Variants in KCNMA1 observed in about 807,000 individuals in gnomAD.
The protein encoded by KCNMA1 is Calcium-activated potassium channel subunit alpha-1.
A neutral mutation model predicts 140.0 loss-of-function variants in KCNMA1; 29 were observed. The ratio of observed to expected loss-of-function variants is 0.21; its 90% CI spans 0.15 to 0.28. The LOEUF (loss-of-function observed/expected upper bound fraction) is 0.28. Ranked by LOEUF, KCNMA1 falls within the 10% of genes least tolerant of loss-of-function variation. The pLI is 1.00. For synonymous variants in KCNMA1, 612 were observed against 611.9 expected (o/e 1.00, Z 0.00); for missense variants, 880 against 1,602.2 (o/e 0.55, Z 7.70).
chr10:77,523,282 C>A lies in KCNMA1; in HGVS notation c.378+113983G>T, dbSNP rs542397794. ...AGTTATAAATTATTAACATCAGTCA[C>A]CTTGGAGCTCTCCAATTTAAAGAAA... On this transcript the variant is annotated intron_variant, in intron 1 of 27. Coordinates refer to ENST00000286628, the MANE Select transcript of KCNMA1 (RefSeq NM_001161352.2). Among the ~76,000 whole-genome samples the A allele has an allele frequency of 1.6e-4, 24 of 150,412 alleles. No individual in the cohort carries two copies. The South Asian group carries it at 5.1e-3, about 32-fold the overall frequency.
chr10:76,905,233 C>T (rs2047331941), intron 25 of KCNMA1: 1 of 152,104 alleles, frequency 6.6e-6, no homozygotes, highest in Non-Finnish European at 1.5e-5. Flanking sequence ...AAGTACTATG[C>T]CAATATATTG....
chr10:77,599,171 G>A (rs2081861097), intron 1 of KCNMA1, among the ~76,000 whole-genome samples: 1 of 152,234 alleles, frequency 6.6e-6, no homozygotes, highest in Admixed American at 6.5e-5. Flanking sequence ...TCATTAGAAA[G>A]AGAATCAGCA....
chr10:77,190,247 T>C lies in KCNMA1; in HGVS notation c.603-5331A>G, dbSNP rs997269848. Among the ~76,000 whole-genome samples the C allele has an allele frequency of 3.9e-5, 6 of 152,362 alleles. No individual in the cohort carries two copies. The East Asian group carries it at 1.2e-3, about 29-fold the overall frequency. On this transcript the variant is annotated intron_variant, in intron 3 of 27. Coordinates refer to ENST00000286628, the MANE Select transcript of KCNMA1 (RefSeq NM_001161352.2). ...ATTCTAAACTGCCTCATTATGTTCA[T>C]ATTCAATTATTCTTCAATTCAATGT...
rs3127448 is a variant in KCNMA1, at chr10:77,507,224, T to C, written c.379-103201A>G. On this transcript the variant is annotated intron_variant, in intron 1 of 27. Transcript: ENST00000286628. ...AGCTCTATGGAACACCATGGGAAAA[T>C]GAGGACTCTTGCAACTTCGTTTGGC... 3.2e-3 allele frequency among the ~76,000 whole-genome samples: 480 copies of C among 152,326 alleles called. 10 individuals carry two copies. The East Asian group carries it at 0.038, about 12-fold the overall frequency.
chr10:76,976,215 C>T (rs1430122651), intron 19 of KCNMA1, among the ~76,000 whole-genome samples: 1 of 152,158 alleles, frequency 6.6e-6, no homozygotes, highest in Non-Finnish European at 1.5e-5. Context: ...GGTAGGCTGC[C>T]AGGGCAGGGA....
chr10:77,391,247 G>C (rs1767102067), intron 2 of KCNMA1, among the ~76,000 whole-genome samples: 1 of 152,150 alleles, frequency 6.6e-6, no homozygotes, highest in African/African-American at 2.4e-5. Context: ...GGTGCAAACA[G>C]GTTTAATGGT....
At chr10:77,081,503 C>G (rs1241857240) in intron 12 of KCNMA1, among the ~76,000 whole-genome samples, 1 of 152,114 alleles carries the variant, frequency 6.6e-6, no homozygotes, top group African/African-American at 2.4e-5. Context: ...ATGACCACCC[C>G]CACAAACTTC....
At chr10:77,221,741 A>C (rs544436919) in intron 3 of KCNMA1, among the ~76,000 whole-genome samples, 1 of 152,316 alleles carries the variant, frequency 6.6e-6, no homozygotes, top group East Asian at 1.9e-4. Context: ...CTCCCTGCCC[A>C]CCCAAGAGGT....
At chr10:77,413,492 G>T (rs558857862) in intron 1 of KCNMA1, among the ~76,000 whole-genome samples, 2 of 152,278 alleles carry the variant, frequency 1.3e-5, no homozygotes, top group Admixed American at 1.3e-4. Context: ...ATTACCCAAA[G>T]CAGCTCAAGC....
chr10:77,342,390 A>G (rs1270930783), intron 2 of KCNMA1, among the ~76,000 whole-genome samples: 1 of 152,208 alleles, frequency 6.6e-6, no homozygotes. Context: ...TACAGGTGGA[A>G]GGGAAGGTCA....
intron 2 of KCNMA1, among the ~76,000 whole-genome samples, chr10:77,352,650 T>TG (rs1566177733): frequency 0.021 from 2,836 of 137,028 alleles, 47 homozygotes; most frequent in Middle Eastern, 0.043. Flanking sequence ...GTGTGTGTGT[T>TG]TGTGTGTGTG....
chr10:76,908,251 C>G (rs2048607643), intron 25 of KCNMA1, among the ~76,000 whole-genome samples: 1 of 152,142 alleles, frequency 6.6e-6, no homozygotes, highest in Non-Finnish European at 1.5e-5. Flanking sequence ...AAGGAGTTTG[C>G]CCAAACTGAG....
chr10:77,059,980 G>A (rs1485035034), intron 14 of KCNMA1, among the ~76,000 whole-genome samples: 6 of 152,118 alleles, frequency 3.9e-5, no homozygotes, highest in Admixed American at 3.9e-4. Context: ...CTCCAAAAAT[G>A]TAAAACTTAC....
intron 5 of KCNMA1, among the ~76,000 whole-genome samples, chr10:77,167,460 A>T (rs1042227518): frequency 6.6e-6 from 1 of 152,080 alleles, no homozygotes; most frequent in Non-Finnish European, 1.5e-5. Flanking sequence ...CATCTTTCCT[A>T]TAGTAGGGCT....
intron 2 of KCNMA1, among the ~76,000 whole-genome samples, chr10:77,387,595 T>TTCTTTTCTTTTCTTTTTTTTCTTTTC (rs2095657657): frequency 2.6e-5 from 4 of 151,084 alleles, no homozygotes; most frequent in African/African-American, 9.8e-5. Context: ...CTCTTTTCTT[T>TTCTTTTCTTTTCTTTTTTTTCTTTTC]TCTTTTCTTT....
At chr10:77,228,381 C>T (rs923125550) in intron 3 of KCNMA1, among the ~76,000 whole-genome samples, 1 of 152,058 alleles carries the variant, frequency 6.6e-6, no homozygotes, top group Non-Finnish European at 1.5e-5. Context: ...GGAAAAGTAA[C>T]AAGATGGAAA....
chr10:77,081,869 T>G (rs2096575470), intron 12 of KCNMA1, among the ~76,000 whole-genome samples: 1 of 151,950 alleles, frequency 6.6e-6, no homozygotes, highest in Admixed American at 6.6e-5. Flanking sequence ...GGAAGGAGGA[T>G]TATACAAATA....
chr10:77,094,882 GT>G (rs2096893860), intron 9 of KCNMA1, among the ~76,000 whole-genome samples: 1 of 151,576 alleles, frequency 6.6e-6, no homozygotes, highest in African/African-American at 2.4e-5. Flanking sequence ...TTTGGTTTTT[GT>G]AGAGATAGGT....
At chr10:76,890,935 C>G (rs1174075540) in intron 26 of KCNMA1, among the ~76,000 whole-genome samples, 1 of 152,164 alleles carries the variant, frequency 6.6e-6, no homozygotes, top group African/African-American at 2.4e-5. Flanking sequence ...TTTGTTTGGC[C>G]GGTGGTTCTG....
Sources: gnomAD v4.1 joint callset for allele counts (sites outside exome capture counted in the v4.1 genomes callset) on GRCh38, gnomAD v4.1.1 for gene constraint, MANE v1.5 for transcripts, NCBI Gene and HGNC (gene_info 2026-07-23, HGNC 2026-07-21) for gene names.